VSNL1: variants seen among roughly 807,000 people sequenced by gnomAD.
VSNL1 encodes visinin-like protein 1.
Under a neutral mutation model 20.4 loss-of-function variants are expected in VSNL1, and 6 were observed. The ratio of observed to expected loss-of-function variants is 0.29; its 90% CI spans 0.16 to 0.58. VSNL1 has a LOEUF of 0.58. Ranked by LOEUF, VSNL1 falls within the 20% of genes least tolerant of loss-of-function variation. The probability of loss-of-function intolerance (pLI) is 0.90; values close to 1 mark genes in which losing one functional copy is unlikely to be tolerated. For synonymous variants in VSNL1, 93 were observed against 86.4 expected, an observed-to-expected ratio of 1.08 and a Z score of -0.42; for missense variants, 100 against 234.5, an observed-to-expected ratio of 0.43 and a Z score of 3.75.
chr2:17,575,110 G>T (rs1664175333), intron 1 of VSNL1, among the ~76,000 whole-genome samples: 1 of 152,082 alleles, frequency 6.6e-6, no homozygotes. Context: ...TTACAGGCAT[G>T]AGCCACCATG....
chr2:17,575,819 G>A (rs376187819), intron 1 of VSNL1, among the ~76,000 whole-genome samples: 1 of 152,258 alleles, frequency 6.6e-6, no homozygotes, highest in Non-Finnish European at 1.5e-5. Flanking sequence ...ATAGGCATGA[G>A]CCACTGCGCC....
intron 2 of VSNL1, among the ~76,000 whole-genome samples, chr2:17,629,141 C>G (rs1171009704): frequency 6.6e-6 from 1 of 152,214 alleles, no homozygotes; most frequent in Non-Finnish European, 1.5e-5. Flanking sequence ...GGAGCTGTCT[C>G]CACCCACACC....
intron 2 of VSNL1, among the ~76,000 whole-genome samples, chr2:17,633,033 T>C (rs1665670950): frequency 6.6e-6 from 1 of 152,164 alleles, no homozygotes; most frequent in Non-Finnish European, 1.5e-5. Flanking sequence ...TGAGGCTGGG[T>C]AATTTACAAA....
chr2:17,591,961 C>T (rs556510742), intron 1 of VSNL1, 109 bp from the exon 2 acceptor site: 14 of 1,229,534 alleles, frequency 1.1e-5, no homozygotes, highest in Middle Eastern at 2.7e-4. Flanking sequence ...ATCAGCCACA[C>T]TGGAGGGAGT....
At chr2:17,602,773 A>C (rs537102145) in intron 2 of VSNL1, among the ~76,000 whole-genome samples, 1 of 146,742 alleles carries the variant, frequency 6.8e-6, no homozygotes, top group African/African-American at 2.4e-5. Context: ...TAAAATAAAA[A>C]AATAAAATAA....
Position 17,622,556 on chromosome 2 carries a change from GAA to G in VSNL1, c.163-26852_163-26851del, listed in dbSNP as rs776818854. On this transcript the variant is annotated intron_variant, in intron 2 of 3. Coordinates refer to ENST00000295156, the MANE Select transcript of VSNL1 (RefSeq NM_003385.5). ...GAAAAGAAAGAAAGAAAGAAAGAAA[GAA>G]AGAAAGAAAGAAAGAAAGAAAGAAA... is the stretch of plus-strand genomic sequence containing the variant. 8.6e-5 allele frequency among the ~76,000 whole-genome samples: 9 copies of G among 104,868 alleles called. No individual in the cohort carries two copies. The East Asian group carries it at 2.3e-3, about 27-fold the overall frequency. 68.8% of individuals were successfully genotyped at this position (104,868 alleles called of 152,430 possible).
At chr2:17,609,045 G>A (rs529130891) in intron 2 of VSNL1, among the ~76,000 whole-genome samples, 49 of 152,264 alleles carry the variant, frequency 3.2e-4, no homozygotes, top group African/African-American at 1.2e-3. Flanking sequence ...GCCTTAGTTA[G>A]GATCTAAGTT....
intron 1 of VSNL1, among the ~76,000 whole-genome samples, chr2:17,572,035 A>G (rs77500720): frequency 0.033 from 5,025 of 152,320 alleles, 88 homozygotes; most frequent in East Asian, 0.097. Flanking sequence ...GAGGGTAATA[A>G]GAGATAAAGC....
intron 2 of VSNL1, among the ~76,000 whole-genome samples, chr2:17,622,252 G>A (rs1249110425): frequency 2.7e-5 from 4 of 150,894 alleles, no homozygotes; most frequent in Non-Finnish European, 4.4e-5. Flanking sequence ...GGTGCCTCAC[G>A]CGTGTAATCC....
At chr2:17,630,759 G>A (rs1487973302) in intron 2 of VSNL1, among the ~76,000 whole-genome samples, 1 of 151,978 alleles carries the variant, frequency 6.6e-6, no homozygotes, top group East Asian at 1.9e-4. Flanking sequence ...CGCATATATG[G>A]GGCAAAACGG....
intron 2 of VSNL1, among the ~76,000 whole-genome samples, chr2:17,604,242 G>A (rs1220398370): frequency 6.6e-6 from 1 of 152,278 alleles, no homozygotes; most frequent in Non-Finnish European, 1.5e-5. Context: ...TCCTTGCACT[G>A]AGCAGGTGAT....
intron 2 of VSNL1, among the ~76,000 whole-genome samples, chr2:17,609,643 G>A (rs1240051221): frequency 2.0e-5 from 3 of 152,214 alleles, no homozygotes; most frequent in South Asian, 2.1e-4. Flanking sequence ...ATTATCAAGA[G>A]TGGTTAGTGC....
intron 2 of VSNL1, among the ~76,000 whole-genome samples, chr2:17,648,230 T>C (rs917722232): frequency 6.6e-6 from 1 of 152,230 alleles, no homozygotes; most frequent in Non-Finnish European, 1.5e-5. Flanking sequence ...TGTTAAAGCA[T>C]ATCTTATGTC....
At chr2:17,580,573 C>T (rs903454625) in intron 1 of VSNL1, among the ~76,000 whole-genome samples, 6 of 152,212 alleles carry the variant, frequency 3.9e-5, no homozygotes, top group Non-Finnish European at 8.8e-5. Context: ...GTGACTTTTG[C>T]AAAAGTCTGT....
intron 2 of VSNL1, among the ~76,000 whole-genome samples, chr2:17,631,443 T>C (rs1338895132): frequency 1.3e-5 from 2 of 152,232 alleles, no homozygotes; most frequent in Admixed American, 1.3e-4. Context: ...TATTGTATCA[T>C]TGTTCTGGTA....
chr2:17,612,495 A>G (rs1665114717), intron 2 of VSNL1, among the ~76,000 whole-genome samples: 1 of 152,228 alleles, frequency 6.6e-6, no homozygotes. Flanking sequence ...AAACCTTACT[A>G]AATGGATGAT....
At chr2:17,605,325 C>T (rs1027096078) in intron 2 of VSNL1, among the ~76,000 whole-genome samples, 3 of 152,180 alleles carry the variant, frequency 2.0e-5, no homozygotes, top group Non-Finnish European at 4.4e-5. Context: ...TCTTGGCCTC[C>T]AATCCATGTG....
intron 1 of VSNL1, among the ~76,000 whole-genome samples, chr2:17,591,103 T>C (rs1664584716): frequency 6.6e-6 from 1 of 152,236 alleles, no homozygotes; most frequent in Non-Finnish European, 1.5e-5. Context: ...TTTTGGCCTT[T>C]GTTTACCTAC....
chr2:17,553,407 A>G (rs1205652958), intron 1 of VSNL1, among the ~76,000 whole-genome samples: 1 of 152,238 alleles, frequency 6.6e-6, no homozygotes, highest in African/African-American at 2.4e-5. Flanking sequence ...AAACTAATAG[A>G]AAAATTAAAA....
Sources: gnomAD v4.1 joint callset for allele counts (sites outside exome capture counted in the v4.1 genomes callset) on GRCh38, gnomAD v4.1.1 for gene constraint, MANE v1.5 for transcripts, NCBI Gene and HGNC (gene_info 2026-07-23, HGNC 2026-07-21) for gene names.